The following OPHN1 variants were observed in gnomAD, a reference collection of about 807,000 sequenced individuals.
OPHN1 encodes the protein oligophrenin 1.
Under a neutral mutation model 60.7 loss-of-function variants are expected in OPHN1, and 11 were observed. That is an observed-to-expected ratio of 0.18 (90% CI 0.11 to 0.30). OPHN1 has a LOEUF of 0.30. OPHN1 is among the 10% of genes least tolerant of loss of function. OPHN1 has a pLI of 1.00. For missense variants in OPHN1, 449 were observed against 611.0 expected, an observed-to-expected ratio of 0.73 and a Z score of 2.80; for synonymous variants, 226 against 222.6, an observed-to-expected ratio of 1.02 and a Z score of -0.14.
intron 15 of OPHN1, among the ~76,000 whole-genome samples, chrX:68,167,610 T>C (rs1438288250): frequency 9.0e-6 from 1 of 110,716 alleles, no homozygotes; most frequent in Non-Finnish European, 1.9e-5. Flanking sequence ...TATACATATC[T>C]GTATACATGC....
intron 5 of OPHN1, among the ~76,000 whole-genome samples, chrX:68,257,715 T>A (rs901440514): frequency 9.8e-5 from 11 of 111,941 alleles, no homozygotes; most frequent in African/African-American, 3.6e-4. Flanking sequence ...AGTTTTTCAG[T>A]TACACTAGTA....
intron 16 of OPHN1, among the ~76,000 whole-genome samples, chrX:68,118,139 C>A (rs1005499646): frequency 9.0e-6 from 1 of 111,413 alleles, no homozygotes; most frequent in African/African-American, 3.3e-5. Flanking sequence ...GTACCAGGGG[C>A]CTTATAAGTC....
chrX:68,306,634 C>T (rs768569683), intron 2 of OPHN1, among the ~76,000 whole-genome samples: 14 of 112,404 alleles, frequency 1.2e-4, no homozygotes, highest in Non-Finnish European at 1.9e-4. Flanking sequence ...GAATGTATGA[C>T]TTTAAAAGAG....
At chrX:68,125,803 G>C (rs1460900344) in intron 15 of OPHN1, among the ~76,000 whole-genome samples, 6 of 103,644 alleles carry the variant, frequency 5.8e-5, no homozygotes, top group Admixed American at 2.1e-4. Flanking sequence ...AAAAATAGAG[G>C]GGGGAGGGAG....
intron 19 of OPHN1, among the ~76,000 whole-genome samples, chrX:68,079,395 C>T (rs184273967): frequency 1.8e-5 from 2 of 111,989 alleles, no homozygotes; most frequent in African/African-American, 3.2e-5. Flanking sequence ...TTACAATGAT[C>T]ACCACTGGCC....
intron 21 of OPHN1, among the ~76,000 whole-genome samples, chrX:68,058,014 C>T (rs1255070001): frequency 1.8e-5 from 2 of 111,185 alleles, no homozygotes; most frequent in Admixed American, 9.6e-5. Context: ...TTCTAGGGTA[C>T]GTGTGCACAA....
At chrX:68,109,259 A>G (rs1171870421) in intron 18 of OPHN1, among the ~76,000 whole-genome samples, 1 of 111,604 alleles carries the variant, frequency 9.0e-6, no homozygotes, top group Non-Finnish European at 1.9e-5. Context: ...CATATCAATG[A>G]AATCATATAA....
At chrX:68,351,743 C>T (rs1387655457) in intron 2 of OPHN1, among the ~76,000 whole-genome samples, 1 of 111,451 alleles carries the variant, frequency 9.0e-6, no homozygotes, top group Non-Finnish European at 1.9e-5. Flanking sequence ...GTCGCCCAGG[C>T]GGGAGTGCAG....
At chrX:68,301,064 C>T (rs2078117351) in intron 2 of OPHN1, among the ~76,000 whole-genome samples, 1 of 111,336 alleles carries the variant, frequency 9.0e-6, no homozygotes, top group Non-Finnish European at 1.9e-5. Context: ...ATTTACTGCT[C>T]CCAACTACAT....
intron 5 of OPHN1, among the ~76,000 whole-genome samples, chrX:68,247,326 A>G (rs2077811281): frequency 8.9e-6 from 1 of 111,998 alleles, no homozygotes; most frequent in Admixed American, 9.6e-5. Context: ...TTAAGGCCGT[A>G]GGCAAATTTT....
chrX:68,330,407 C>A (rs925034571), intron 2 of OPHN1, among the ~76,000 whole-genome samples: 2 of 111,541 alleles, frequency 1.8e-5, no homozygotes, highest in African/African-American at 6.5e-5. Context: ...AGTTTTCTTT[C>A]TTTTCCACAT....
At chrX:68,309,646 C>G (rs747070143) in intron 2 of OPHN1, among the ~76,000 whole-genome samples, 1 of 112,305 alleles carries the variant, frequency 8.9e-6, no homozygotes, top group Admixed American at 9.5e-5. Context: ...CATGGACATG[C>G]AAATAGCTAT....
intron 6 of OPHN1, among the ~76,000 whole-genome samples, chrX:68,214,616 C>T (rs2077599480): frequency 1.8e-5 from 2 of 111,910 alleles, no homozygotes; most frequent in African/African-American, 3.2e-5. Flanking sequence ...CAATGAACTA[C>T]AAGGCATATT....
intron 2 of OPHN1, among the ~76,000 whole-genome samples, chrX:68,351,539 C>T (rs187295214): frequency 2.7e-5 from 3 of 111,905 alleles, no homozygotes; most frequent in African/African-American, 9.7e-5. Flanking sequence ...AACATGGTCA[C>T]CAAAGCACAG....
intron 19 of OPHN1, among the ~76,000 whole-genome samples, chrX:68,079,108 C>T (rs1023240013): frequency 9.0e-6 from 1 of 111,719 alleles, no homozygotes; most frequent in African/African-American, 3.3e-5. Context: ...TCTCTCCTCA[C>T]TTTCTAAGGA....
At chrX:68,172,161 T>G (rs371875712) in intron 15 of OPHN1, among the ~76,000 whole-genome samples, 13 of 112,168 alleles carry the variant, frequency 1.2e-4, no homozygotes, top group African/African-American at 4.2e-4. Context: ...TACAAAGACT[T>G]GAACAAAAGT....
intron 5 of OPHN1, among the ~76,000 whole-genome samples, chrX:68,241,377 T>C (rs756509213): frequency 2.7e-5 from 3 of 111,792 alleles, no homozygotes; most frequent in Non-Finnish European, 5.6e-5. Flanking sequence ...TTATTAATAA[T>C]AGCAAAGTGG....
intron 2 of OPHN1, among the ~76,000 whole-genome samples, chrX:68,370,898 C>T (rs1447126365): frequency 9.0e-6 from 1 of 111,147 alleles, no homozygotes; most frequent in East Asian, 2.8e-4. Context: ...GGACTCAAAA[C>T]GGTCCACTAC....
chrX:68,117,595 C>T (rs1167857054), intron 16 of OPHN1, among the ~76,000 whole-genome samples: 1 of 111,115 alleles, frequency 9.0e-6, no homozygotes, highest in Non-Finnish European at 1.9e-5. Context: ...ATTACATACT[C>T]GGAAAAAGAG....
Sources: gnomAD v4.1 joint callset for allele counts (sites outside exome capture counted in the v4.1 genomes callset) on GRCh38, gnomAD v4.1.1 for gene constraint, MANE v1.5 for transcripts, NCBI Gene and HGNC (gene_info 2026-07-23, HGNC 2026-07-21) for gene names.